CSMD1: variants seen among roughly 807,000 people sequenced by gnomAD.
CSMD1 encodes CUB and Sushi multiple domains 1.
A neutral mutation model predicts 417.5 loss-of-function variants in CSMD1; 213 were observed. The observed-to-expected ratio is 0.51, with a 90% confidence interval of 0.46 to 0.57. The LOEUF (loss-of-function observed/expected upper bound fraction) is 0.57, where lower values mean the gene tolerates loss of function less well. Among genes scored for constraint, CSMD1 ranks in the 20% least tolerant of loss-of-function variants. The pLI is 0.00. For missense variants in CSMD1, 6,923 were observed against 4,529.7 expected (o/e 1.53, Z -15.17); for synonymous variants, 2,862 against 1,736.8 (o/e 1.65, Z -16.11).
chr8:3,613,086 C>G (rs1801969395), intron 8 of CSMD1, among the ~76,000 whole-genome samples: 1 of 151,854 alleles, frequency 6.6e-6, no homozygotes, highest in Non-Finnish European at 1.5e-5. Context: ...AGAATTTGAG[C>G]TGTGAAATTA....
chr8:3,778,382 G>A lies in CSMD1; in HGVS notation c.819-24340C>T, dbSNP rs76055255. On this transcript the variant is annotated intron_variant, in intron 5 of 69. Coordinates refer to ENST00000635120, the MANE Select transcript of CSMD1 (RefSeq NM_033225.6). ...CTGGAATCATTTCGGTAAGAAGACC[G>A]GGGGCAGAAACAAATAAATAAAAAG... Among the ~76,000 whole-genome samples, 511 of 152,196 alleles carry A rather than the reference G, an allele frequency of 3.4e-3. 10 individuals carry two copies. Among genetic ancestry groups the A allele is most frequent in the Admixed American group, 0.032 (490 of 15,296 alleles).
intron 11 of CSMD1, among the ~76,000 whole-genome samples, chr8:3,492,943 C>G (rs987777023): frequency 6.6e-6 from 1 of 151,996 alleles, no homozygotes; most frequent in Non-Finnish European, 1.5e-5. Flanking sequence ...AGCATCTGTA[C>G]CTCTTTAAAA....
At chr8:3,481,765 C>G (rs1817762367) in intron 11 of CSMD1, among the ~76,000 whole-genome samples, 1 of 152,160 alleles carries the variant, frequency 6.6e-6, no homozygotes, top group Non-Finnish European at 1.5e-5. Flanking sequence ...GGAACGCCAG[C>G]AGCTGCCCTA....
intron 2 of CSMD1, among the ~76,000 whole-genome samples, chr8:4,592,867 A>C (rs565050614): frequency 3.9e-5 from 6 of 151,912 alleles, no homozygotes; most frequent in Non-Finnish European, 8.8e-5. Flanking sequence ...ATATTTATTG[A>C]TTTTTTCATT....
At chr8:3,648,230 T>G (rs765850731) in intron 7 of CSMD1, among the ~76,000 whole-genome samples, 13 of 152,258 alleles carry the variant, frequency 8.5e-5, no homozygotes, top group Non-Finnish European at 1.6e-4. Context: ...GACATGATTT[T>G]ACTTTTACTT....
chr8:3,148,253 G>A (rs1818970993), intron 40 of CSMD1, among the ~76,000 whole-genome samples: 5 of 152,168 alleles, frequency 3.3e-5, no homozygotes, highest in Admixed American at 2.6e-4. Context: ...TGGAGTGAGT[G>A]CTTCATTTGT....
chr8:4,280,803 A>C (rs1281172758), intron 3 of CSMD1, among the ~76,000 whole-genome samples: 2 of 152,168 alleles, frequency 1.3e-5, no homozygotes, highest in Admixed American at 6.5e-5. Flanking sequence ...CGTATGTTAA[A>C]ATTTTCAAAA....
chr8:3,016,833 G>A (rs1808874665), intron 52 of CSMD1, among the ~76,000 whole-genome samples: 2 of 152,036 alleles, frequency 1.3e-5, no homozygotes. Context: ...GTATTGCATA[G>A]CACTGAGACA....
chr8:4,276,386 A>G (rs1015775055), intron 3 of CSMD1, among the ~76,000 whole-genome samples: 3 of 152,134 alleles, frequency 2.0e-5, no homozygotes, highest in Non-Finnish European at 4.4e-5. Context: ...AGAAAACTAA[A>G]CACCACATGT....
chr8:4,487,725 A>G lies in CSMD1; in HGVS notation c.303-67660T>C, dbSNP rs577406796. The stretch of plus-strand genomic sequence containing the variant: ...TTGCCAAAATGCCTGTTTAGAGGAT[A>G]TAAAAATAAAGTGTACTCAGTCTAA... On this transcript the variant is annotated intron_variant, in intron 2 of 69. Transcript: ENST00000635120. Among the ~76,000 whole-genome samples, 65 of 152,368 alleles carry G rather than the reference A, an allele frequency of 4.3e-4. 3 individuals are homozygous for G. In the South Asian group the frequency reaches 0.012, roughly 29 times the overall value.
intron 16 of CSMD1, 36 bp from the exon 17 acceptor site, chr8:3,396,417 A>G (rs3802304): frequency 0.5 from 731,547 of 1,454,260 alleles, 188,986 homozygotes; most frequent in Middle Eastern, 0.57. Flanking sequence ...AAAGACATGC[A>G]GAACTGCCAG....
At chr8:3,307,111 A>AT (rs1444503371) in intron 25 of CSMD1, among the ~76,000 whole-genome samples, 4 of 152,146 alleles carry the variant, frequency 2.6e-5, no homozygotes, top group Non-Finnish European at 5.9e-5. Flanking sequence ...CTTCCTATTA[A>AT]AAGAACAGTA....
intron 3 of CSMD1, among the ~76,000 whole-genome samples, chr8:4,114,743 T>G (rs899752398): frequency 6.6e-6 from 1 of 152,182 alleles, no homozygotes; most frequent in Non-Finnish European, 1.5e-5. Context: ...TCCAACACTT[T>G]ACAGTTGAGT....
intron 46 of CSMD1, among the ~76,000 whole-genome samples, chr8:3,103,485 T>C (rs1815903401): frequency 6.6e-6 from 1 of 152,018 alleles, no homozygotes; most frequent in South Asian, 2.1e-4. Context: ...AGGGTAAGCA[T>C]TCTCACATCT....
chr8:4,721,702 T>C (rs953876144), intron 1 of CSMD1, among the ~76,000 whole-genome samples: 22 of 152,268 alleles, frequency 1.4e-4, no homozygotes, highest in African/African-American at 5.1e-4. Flanking sequence ...ATCCCCCTGT[T>C]GTATCTAAAA....
intron 3 of CSMD1, among the ~76,000 whole-genome samples, chr8:4,195,490 CTGT>C (rs1331518398): frequency 2.6e-5 from 4 of 152,196 alleles, no homozygotes; most frequent in Admixed American, 6.5e-5. Flanking sequence ...GTCTCACCCT[CTGT>C]TGTTCACATC....
Position 3,408,099 on chromosome 8 carries a change from A to G in CSMD1, c.1871T>C (p.Leu624Pro). ...CTCAACATCAAAATCATTAAAGATT[A>G]GGTGAATTCGACTTCCTGGCTCCGA... ...IISEPGSRIH[L>P]IFNDFDVEPQ... The change falls in exon 14 of 70, where the codon CTA becomes CCA. Residue 624 changes from leucine to proline, a missense_variant. Coordinates refer to ENST00000635120, the MANE Select transcript of CSMD1 (RefSeq NM_033225.6). 6.2e-7 allele frequency: 1 copy of G among 1,613,970 alleles called. No individual in the cohort carries two copies. The highest frequency in any genetic ancestry group is 8.5e-7 in the Non-Finnish European group (1 of 1,179,862).
chr8:3,931,500 T>C (rs1262036363), intron 5 of CSMD1, among the ~76,000 whole-genome samples: 1 of 150,192 alleles, frequency 6.7e-6, no homozygotes, highest in Admixed American at 6.6e-5. Flanking sequence ...GCATAAAAGC[T>C]CATACTTTCT....
chr8:4,763,774 C>T (rs1051503036), intron 1 of CSMD1, among the ~76,000 whole-genome samples: 3 of 152,250 alleles, frequency 2.0e-5, no homozygotes, highest in African/African-American at 7.2e-5. Flanking sequence ...TCGTTTCTAA[C>T]TATATGTTAA....
Sources: allele counts gnomAD v4.1 joint callset (sites outside exome capture counted in the v4.1 genomes callset), GRCh38; gene constraint gnomAD v4.1.1; transcripts MANE v1.5; gene names NCBI Gene and HGNC (gene_info 2026-07-23, HGNC 2026-07-21).